The following INPP4B variants were observed in gnomAD, a reference collection of about 807,000 sequenced individuals.
INPP4B encodes the protein inositol polyphosphate 4-phosphatase type II.
A neutral mutation model predicts 122.5 loss-of-function variants in INPP4B; 55 were observed. That is an observed-to-expected ratio of 0.45 (90% confidence interval 0.36 to 0.56). The LOEUF is 0.56. Ranked by LOEUF, INPP4B falls within the 20% of genes least tolerant of loss-of-function variation. The pLI, the probability that INPP4B is intolerant of heterozygous loss-of-function variation, is 0.00. For missense variants in INPP4B, 1,000 were observed against 1,097.7 expected, an observed-to-expected ratio of 0.91 and a Z score of 1.26; for synonymous variants, 403 against 388.7, an observed-to-expected ratio of 1.04 and a Z score of -0.43.
intron 1 of INPP4B, among the ~76,000 whole-genome samples, chr4:142,739,016 A>G (rs1166324625): frequency 6.6e-6 from 1 of 152,134 alleles, no homozygotes; most frequent in African/African-American, 2.4e-5. Flanking sequence ...TTGTAGTAAT[A>G]CAGGATTCTT....
At position 142,539,003 on chromosome 4, in the gene INPP4B, T is replaced by C. The variant is rs888585894; in HGVS notation, c.-190-76277A>G. Among the ~76,000 whole-genome samples the C allele has an allele frequency of 2.0e-5, 3 of 151,458 alleles. No homozygotes were observed. In the East Asian group the frequency reaches 5.8e-4, roughly 29 times the overall value. On this transcript the variant is annotated intron_variant, in intron 2 of 25. Coordinates refer to ENST00000262992, the MANE Select transcript of INPP4B (RefSeq NM_001101669.3). ...AACCTCAAATATTTGTACAAGACAA[T>C]GAAAAAAATTGTTTAGACTTGATCC...
intron 19 of INPP4B, 63 bp downstream of exon 19, chr4:142,124,525 A>G (rs1193709938): frequency 2.1e-6 from 3 of 1,418,806 alleles, no homozygotes; most frequent in East Asian, 2.3e-5. Context: ...TCTATTCATC[A>G]TCAAGGATAG....
chr4:142,144,956 G>T (rs1239398967), intron 18 of INPP4B, among the ~76,000 whole-genome samples: 2 of 151,982 alleles, frequency 1.3e-5, no homozygotes, highest in Admixed American at 1.3e-4. Context: ...TTCAGCAGAA[G>T]AGAGTAGGGT....
chr4:142,350,858 G>C (rs552022024), intron 7 of INPP4B, among the ~76,000 whole-genome samples: 1 of 152,120 alleles, frequency 6.6e-6, no homozygotes, highest in Non-Finnish European at 1.5e-5. Flanking sequence ...ACTTCATTGT[G>C]ATGCTATGGC....
chr4:142,568,584 T>C (rs866438523), intron 2 of INPP4B, among the ~76,000 whole-genome samples: 5 of 152,292 alleles, frequency 3.3e-5, no homozygotes, highest in African/African-American at 9.6e-5. Flanking sequence ...GAGTACTTAA[T>C]GTATTTTTCC....
At chr4:142,331,900 A>G (rs1302312309) in intron 7 of INPP4B, among the ~76,000 whole-genome samples, 1 of 135,434 alleles carries the variant, frequency 7.4e-6, no homozygotes. Context: ...AGAATGTACC[A>G]CAAAGCTGGG....
intron 2 of INPP4B, among the ~76,000 whole-genome samples, chr4:142,628,452 C>T (rs1188194147): frequency 8.2e-5 from 4 of 49,020 alleles, no homozygotes; most frequent in Admixed American, 5.5e-4. Flanking sequence ...GGGAGATATA[C>T]CTAAATGCTA....
intron 25 of INPP4B, among the ~76,000 whole-genome samples, chr4:142,046,703 G>A (rs1336916720): frequency 6.6e-6 from 1 of 152,070 alleles, no homozygotes; most frequent in Non-Finnish European, 1.5e-5. Flanking sequence ...ATGTACTGGG[G>A]AGGGACATGA....
intron 2 of INPP4B, among the ~76,000 whole-genome samples, chr4:142,593,745 G>A (rs570238385): frequency 2.6e-4 from 40 of 151,602 alleles, no homozygotes; most frequent in East Asian, 9.7e-4. Flanking sequence ...TATTATTATC[G>A]TTGAATTATT....
At chr4:142,446,169 G>A (rs1051282094) in intron 3 of INPP4B, among the ~76,000 whole-genome samples, 1 of 151,678 alleles carries the variant, frequency 6.6e-6, no homozygotes, top group Non-Finnish European at 1.5e-5. Context: ...AGCTGATGAA[G>A]ATTTATTTTC....
intron 2 of INPP4B, among the ~76,000 whole-genome samples, chr4:142,531,489 T>C (rs759099021): frequency 3.7e-4 from 56 of 152,060 alleles, no homozygotes; most frequent in African/African-American, 1.4e-3. Context: ...CTTGAAATGG[T>C]ATTGGAAAAG....
intron 2 of INPP4B, among the ~76,000 whole-genome samples, chr4:142,698,663 C>A (rs1190733517): frequency 6.6e-6 from 1 of 152,178 alleles, no homozygotes; most frequent in Non-Finnish European, 1.5e-5. Context: ...CAGGCAGTTA[C>A]AAAGACTTTT....
intron 10 of INPP4B, among the ~76,000 whole-genome samples, chr4:142,262,597 C>T (rs542634738): frequency 6.6e-6 from 1 of 152,102 alleles, no homozygotes; most frequent in East Asian, 1.9e-4. Flanking sequence ...TAATATATTA[C>T]CTGTTATTTT....
rs756273275 is a variant in INPP4B at position 142,123,472 on chromosome 4, T to G, written c.1894-57A>C. ...AGTTAGCAAACGTATTTGTTTTATT[T>G]TGAAATATTTTAAGACTTCTGAGGC... On this transcript the variant is annotated intron_variant, in intron 19 of 25. Coordinates refer to ENST00000262992, the MANE Select transcript of INPP4B (RefSeq NM_001101669.3). 5 of 1,559,020 alleles carry G rather than the reference T, an allele frequency of 3.2e-6. No homozygotes were observed. The African/African-American group carries it at 6.8e-5, about 21-fold the overall frequency.
chr4:142,718,569 C>A (rs533361317), intron 2 of INPP4B, among the ~76,000 whole-genome samples: 2 of 152,126 alleles, frequency 1.3e-5, no homozygotes, highest in Non-Finnish European at 2.9e-5. Context: ...ATTAAGCTAG[C>A]GCTGTGCCTT....
At chr4:142,706,157 T>C (rs1353332430) in intron 2 of INPP4B, among the ~76,000 whole-genome samples, 1 of 152,222 alleles carries the variant, frequency 6.6e-6, no homozygotes, top group Non-Finnish European at 1.5e-5. Flanking sequence ...ATTATCCACA[T>C]TTGAACATCT....
At chr4:142,315,215 T>C (rs1767053183) in intron 7 of INPP4B, among the ~76,000 whole-genome samples, 1 of 109,800 alleles carries the variant, frequency 9.1e-6, no homozygotes, top group South Asian at 3.1e-4. Context: ...TGTCATTATG[T>C]ACCTCCTAAG....
intron 2 of INPP4B, among the ~76,000 whole-genome samples, chr4:142,509,482 G>A (rs1824440567): frequency 6.6e-6 from 1 of 152,000 alleles, no homozygotes; most frequent in African/African-American, 2.4e-5. Context: ...GCAGTGTTTG[G>A]TTTTCTGTTC....
intron 2 of INPP4B, among the ~76,000 whole-genome samples, chr4:142,506,517 G>A (rs1824043632): frequency 6.6e-6 from 1 of 152,142 alleles, no homozygotes; most frequent in Non-Finnish European, 1.5e-5. Context: ...AAGCAACTGG[G>A]CATCTGAAGC....
Sources: gnomAD v4.1 joint callset for allele counts (sites outside exome capture counted in the v4.1 genomes callset) on GRCh38, gnomAD v4.1.1 for gene constraint, MANE v1.5 for transcripts, NCBI Gene and HGNC (gene_info 2026-07-23, HGNC 2026-07-21) for gene names.